TNFRSF21: variants seen among roughly 807,000 people sequenced by gnomAD.
The protein encoded by TNFRSF21 is tumor necrosis factor receptor superfamily member 21.
TNFRSF21 carries 19 observed loss-of-function variants against 45.6 expected under a neutral mutation model. That is an observed-to-expected ratio of 0.42 (90% CI 0.29 to 0.61). TNFRSF21 has a LOEUF of 0.61. TNFRSF21 is among the 20% of genes least tolerant of loss of function. The pLI is 0.23. For synonymous variants in TNFRSF21, 314 were observed against 335.5 expected (o/e 0.94, Z 0.70); for missense variants, 737 against 851.5 (o/e 0.87, Z 1.67).
chr6:47,281,157 T>C (rs1175282520), intron 3 of TNFRSF21, among the ~76,000 whole-genome samples: 1 of 152,130 alleles, frequency 6.6e-6, no homozygotes, highest in Non-Finnish European at 1.5e-5. Context: ...GCTAAATTTA[T>C]TAAGGTTGAA....
chr6:47,289,687 C>T (rs892715881), intron 1 of TNFRSF21, among the ~76,000 whole-genome samples: 1 of 152,068 alleles, frequency 6.6e-6, no homozygotes, highest in African/African-American at 2.4e-5. Flanking sequence ...CCTGTGGAAC[C>T]CAAGTTACAT....
intron 3 of TNFRSF21, among the ~76,000 whole-genome samples, 196 bp downstream of exon 3, chr6:47,283,742 G>C (rs949135053): frequency 2.0e-5 from 3 of 152,194 alleles, no homozygotes; most frequent in Non-Finnish European, 1.5e-5. Flanking sequence ...AAAGGAGGAA[G>C]AGAGATTATT....
chr6:47,305,296 C>T (rs767265435), intron 1 of TNFRSF21, among the ~76,000 whole-genome samples: 14 of 152,206 alleles, frequency 9.2e-5, no homozygotes, highest in Admixed American at 2.0e-4. Context: ...AAAGGGTGCT[C>T]GATGCAGTTT....
At chr6:47,245,514 A>T (rs1764812550) in intron 4 of TNFRSF21, among the ~76,000 whole-genome samples, 1 of 151,724 alleles carries the variant, frequency 6.6e-6, no homozygotes, top group Non-Finnish European at 1.5e-5. Flanking sequence ...AAAGACCCCA[A>T]GAATCTGTTT....
At chr6:47,267,831 C>A (rs1244357087) in intron 3 of TNFRSF21, among the ~76,000 whole-genome samples, 2 of 152,134 alleles carry the variant, frequency 1.3e-5, no homozygotes, top group Admixed American at 1.3e-4. Flanking sequence ...TTTCACTGCA[C>A]TATGCTGCCT....
chr6:47,275,881 G>A (rs1762489517), intron 3 of TNFRSF21, among the ~76,000 whole-genome samples: 1 of 152,080 alleles, frequency 6.6e-6, no homozygotes, highest in African/African-American at 2.4e-5. Context: ...CCCTCTGACT[G>A]GCAGCGCAGT....
At chr6:47,276,786 A>C (rs1231891076) in intron 3 of TNFRSF21, among the ~76,000 whole-genome samples, 1 of 152,236 alleles carries the variant, frequency 6.6e-6, no homozygotes, top group Non-Finnish European at 1.5e-5. Context: ...TTTGGACAGC[A>C]TAGATTTATA....
chr6:47,279,900 G>C (rs1374617267), intron 3 of TNFRSF21, among the ~76,000 whole-genome samples: 1 of 152,176 alleles, frequency 6.6e-6, no homozygotes, highest in Non-Finnish European at 1.5e-5. Flanking sequence ...CAGAAAGGAA[G>C]AAAGAGTACA....
intron 5 of TNFRSF21, 29 bp downstream of exon 5, chr6:47,234,641 G>A (rs769908291): frequency 4.5e-6 from 7 of 1,557,150 alleles, no homozygotes; most frequent in South Asian, 1.2e-5. Flanking sequence ...GTTTAAGTGC[G>A]TGTGTGAGGT....
intron 1 of TNFRSF21, among the ~76,000 whole-genome samples, chr6:47,304,294 CAAA>C (rs5876021): frequency 1.4e-5 from 2 of 142,456 alleles, no homozygotes; most frequent in East Asian, 4.0e-4. Flanking sequence ...AAAAAAAAAC[CAAA>C]AAAAAAAAAA....
At chr6:47,289,348 G>A (rs1445508855) in intron 1 of TNFRSF21, among the ~76,000 whole-genome samples, 1 of 152,122 alleles carries the variant, frequency 6.6e-6, no homozygotes, top group African/African-American at 2.4e-5. Flanking sequence ...TGAATCAAAA[G>A]TATTTCCCTG....
chr6:47,245,168 C>T (rs1764805154), intron 4 of TNFRSF21, among the ~76,000 whole-genome samples: 1 of 152,058 alleles, frequency 6.6e-6, no homozygotes, highest in Admixed American at 6.6e-5. Flanking sequence ...GACACTCTGT[C>T]TCAGAAAAAA....
chr6:47,234,741 G>A lies in TNFRSF21; in HGVS notation c.1667C>T (p.Pro556Leu), dbSNP rs1280453380. Residue 556 changes from proline (P) to leucine (L), a missense_variant, in exon 5 of 6, where the codon CCC becomes CTC. Transcript: ENST00000296861. ...NKGFFVDESEPLLRCDSTSSG... is the reference protein window; with the variant it reads ...NKGFFVDESELLLRCDSTSSG... ...GGATGTAGAGTCACAGCGGAGAAGG[G>A]GCTCCGACTCATCCACGAAGAAGCC... 1 of 1,610,798 alleles carries A rather than the reference G, an allele frequency of 6.2e-7. No individual in the cohort carries two copies. The highest frequency in any genetic ancestry group is 8.5e-7 in the Non-Finnish European group (1 of 1,178,850).
intron 1 of TNFRSF21, among the ~76,000 whole-genome samples, chr6:47,288,573 T>TA (rs57310382): frequency 0.15 from 20,626 of 142,184 alleles, 2,011 homozygotes; most frequent in East Asian, 0.47. Flanking sequence ...GAAACAAACA[T>TA]AAAAAAAAAA....
chr6:47,264,109 A>AT (rs935350256), intron 3 of TNFRSF21, among the ~76,000 whole-genome samples: 13 of 151,798 alleles, frequency 8.6e-5, no homozygotes, highest in East Asian at 3.9e-4. Context: ...ACATTTTTAG[A>AT]TTTTTTTTTC....
intron 4 of TNFRSF21, among the ~76,000 whole-genome samples, chr6:47,250,992 T>C (rs1193903895): frequency 6.6e-6 from 1 of 152,244 alleles, no homozygotes; most frequent in Non-Finnish European, 1.5e-5. Flanking sequence ...GTATGTAAGG[T>C]ATATGTGAAA....
rs139877173 is a variant in TNFRSF21 at position 47,272,637 on chromosome 6, C to T, written c.1243+11301G>A. ...AAGCAAGAGCAAACACATTCAAAAG[C>T]TAGCAGAAGGCAAGAAAAAAGCAAA... On this transcript the variant is annotated intron_variant, in intron 3 of 5. Transcript: ENST00000296861. Among the ~76,000 whole-genome samples the T allele has an allele frequency of 9.3e-3, 1,416 of 152,168 alleles. 25 individuals carry two copies. The highest frequency in any genetic ancestry group is 0.032 in the African/African-American group (1,328 of 41,522).
In TNFRSF21 at chr6:47,303,697, A is replaced by C. The variant is rs373228318; in HGVS notation, c.96+5719T>G. On this transcript the variant is annotated intron_variant, in intron 1 of 5. Coordinates refer to ENST00000296861, the MANE Select transcript of TNFRSF21 (RefSeq NM_014452.5). The stretch of plus-strand genomic sequence containing the variant: ...AGGTTCCTCCTGGGTTATAACCTCT[A>C]CCCAAGCTCCTCTCCTCTTGGATTC... Among the ~76,000 whole-genome samples, 19 of 152,260 alleles carry C rather than the reference A, an allele frequency of 1.2e-4. 1 individual carries two copies. The South Asian group carries it at 3.1e-3, about 25-fold the overall frequency.
chr6:47,302,003 T>A (rs1371593004), intron 1 of TNFRSF21, among the ~76,000 whole-genome samples: 1 of 152,152 alleles, frequency 6.6e-6, no homozygotes. Context: ...TGGCCGTGTA[T>A]AGGATGAAAT....
Sources: gnomAD v4.1 joint callset for allele counts (sites outside exome capture counted in the v4.1 genomes callset) on GRCh38, gnomAD v4.1.1 for gene constraint, MANE v1.5 for transcripts, NCBI Gene and HGNC (gene_info 2026-07-23, HGNC 2026-07-21) for gene names.